Variants in ATP6V0E1 observed in about 807,000 individuals in gnomAD.
The protein encoded by ATP6V0E1 is V-type proton ATPase subunit e 1.
In ATP6V0E1, 4 loss-of-function variants were observed where a neutral mutation model predicts 11.6. That is an observed-to-expected ratio of 0.35 (90% CI 0.17 to 0.79). ATP6V0E1 has a LOEUF of 0.79. Ranked by LOEUF, ATP6V0E1 falls within the 30% of genes least tolerant of loss-of-function variation. The pLI is 0.54. For synonymous variants in ATP6V0E1, 36 were observed against 34.8 expected, an observed-to-expected ratio of 1.04 and a Z score of -0.13; for missense variants, 105 against 100.0, an observed-to-expected ratio of 1.05 and a Z score of -0.21.
intron 2 of ATP6V0E1, among the ~76,000 whole-genome samples, chr5:173,015,915 C>T (rs760339410): frequency 3.3e-5 from 5 of 151,838 alleles, no homozygotes; most frequent in Admixed American, 6.6e-5. Context: ...TTAGTAGAGA[C>T]GGGTTTCACC....
At chr5:173,004,196 G>C (rs1158714497) in intron 2 of ATP6V0E1, among the ~76,000 whole-genome samples, 1 of 152,192 alleles carries the variant, frequency 6.6e-6, no homozygotes, top group East Asian at 1.9e-4. Context: ...GCCTGGGAAA[G>C]CATGGAGGGA....
At chr5:173,009,998 G>A (rs1277645076) in intron 2 of ATP6V0E1, among the ~76,000 whole-genome samples, 1 of 151,960 alleles carries the variant, frequency 6.6e-6, no homozygotes, top group Admixed American at 6.6e-5. Flanking sequence ...TCCTGACCTC[G>A]TGATCTGCCT....
chr5:172,998,332 TGTG>T (rs1268968864), intron 2 of ATP6V0E1, among the ~76,000 whole-genome samples: 1 of 148,846 alleles, frequency 6.7e-6, no homozygotes, highest in Non-Finnish European at 1.5e-5. Context: ...TGAAGCCTGG[TGTG>T]GTGGCTCACG....
chr5:173,014,982 ATTCT>A (rs921664123), intron 2 of ATP6V0E1, among the ~76,000 whole-genome samples: 26 of 152,222 alleles, frequency 1.7e-4, no homozygotes, highest in African/African-American at 5.5e-4. Flanking sequence ...AGGGGTCTTC[ATTCT>A]TTCTTCTGGA....
intron 2 of ATP6V0E1, among the ~76,000 whole-genome samples, chr5:173,009,783 A>G (rs1217688337): frequency 1.0e-5 from 1 of 98,260 alleles, no homozygotes. Flanking sequence ...TTTTTTTTTT[A>G]GATGGAGTCT....
chr5:173,025,873 A>C (rs17075518), intron 3 of ATP6V0E1, among the ~76,000 whole-genome samples: 26,320 of 152,136 alleles, frequency 0.17, 3,741 homozygotes, highest in East Asian at 0.72. Context: ...GTCACTTAGA[A>C]TAACAGCTGG....
At chr5:172,999,285 A>C (rs556071972) in intron 2 of ATP6V0E1, among the ~76,000 whole-genome samples, 1 of 152,308 alleles carries the variant, frequency 6.6e-6, no homozygotes, top group South Asian at 2.1e-4. Context: ...AAAGAAAACA[A>C]AAACGTTTCC....
chr5:172,998,990 G>A (rs1756114215), intron 2 of ATP6V0E1, among the ~76,000 whole-genome samples: 1 of 152,100 alleles, frequency 6.6e-6, no homozygotes, highest in Non-Finnish European at 1.5e-5. Flanking sequence ...TACAAAATTA[G>A]CCCCATGTGG....
At chr5:173,002,151 G>C (rs887001684) in intron 2 of ATP6V0E1, among the ~76,000 whole-genome samples, 3 of 152,046 alleles carry the variant, frequency 2.0e-5, no homozygotes, top group African/African-American at 7.2e-5. Context: ...ACAAATCCCA[G>C]ACATATCAGT....
chr5:173,014,822 A>G (rs1756378896), intron 2 of ATP6V0E1, among the ~76,000 whole-genome samples: 2 of 152,134 alleles, frequency 1.3e-5, no homozygotes, highest in Non-Finnish European at 2.9e-5. Flanking sequence ...AGTTTCTTCT[A>G]TGTTTGATTG....
At chr5:172,997,529 G>T (rs1283915529) in intron 2 of ATP6V0E1, among the ~76,000 whole-genome samples, 1 of 152,222 alleles carries the variant, frequency 6.6e-6, no homozygotes, top group Non-Finnish European at 1.5e-5. Flanking sequence ...AAGGTCAGGG[G>T]CAAGGCGTGG....
At chr5:173,008,663 A>G (rs1756265101) in intron 2 of ATP6V0E1, among the ~76,000 whole-genome samples, 1 of 146,756 alleles carries the variant, frequency 6.8e-6, no homozygotes, top group African/African-American at 2.5e-5. Context: ...TAATCCCAGC[A>G]CTTTGGGAGG....
intron 2 of ATP6V0E1, among the ~76,000 whole-genome samples, chr5:173,016,689 C>A (rs1756405032): frequency 6.6e-6 from 1 of 152,054 alleles, no homozygotes; most frequent in Non-Finnish European, 1.5e-5. Flanking sequence ...TTGGGGAAGT[C>A]CTTGGTTAGT....
At position 173,008,541 on chromosome 5, in the gene ATP6V0E1, T is replaced by C. The variant is rs112037866; in HGVS notation, c.153-11697T>C. On this transcript the variant is annotated intron_variant, in intron 2 of 3. Coordinates refer to ENST00000519374, the MANE Select transcript of ATP6V0E1 (RefSeq NM_003945.4). ...GTCTTGATCTCTTGACCTCATGATC[T>C]GCCCACCTTGGCTTCCCAAAGTGCT... Among the ~76,000 whole-genome samples, 830 of 149,692 alleles carry C rather than the reference T, an allele frequency of 5.5e-3. 6 individuals carry two copies. The highest frequency in any genetic ancestry group is 8.1e-3 in the Non-Finnish European group (543 of 67,380).
intron 3 of ATP6V0E1, among the ~76,000 whole-genome samples, chr5:173,025,975 T>C (rs1756553603): frequency 2.0e-5 from 3 of 152,020 alleles, no homozygotes; most frequent in Non-Finnish European, 4.4e-5. Context: ...CTCGGCAATA[T>C]ATCAAGACCT....
chr5:173,030,227 A>G (rs1238587058), intron 3 of ATP6V0E1, among the ~76,000 whole-genome samples: 2 of 152,210 alleles, frequency 1.3e-5, no homozygotes, highest in Non-Finnish European at 2.9e-5. Flanking sequence ...ATTGTTAAAT[A>G]CATGCTTAAC....
In ATP6V0E1 at chr5:173,034,531, C is replaced by T. The variant is rs1042058454; in HGVS notation, c.*169C>T. On this transcript the variant is annotated 3_prime_UTR_variant, in exon 4 of 4. Transcript: ENST00000519374. ...TTGAATGCCTTATTCTACAATGCAG[C>T]GTGTTTTCCTTTGCCTTTTTTGCAC... is the stretch of plus-strand genomic sequence containing the variant. 13 of 683,330 alleles carry T rather than the reference C, an allele frequency of 1.9e-5. No homozygotes were observed. The highest frequency in any genetic ancestry group is 1.8e-4 in the Admixed American group (9 of 48,872). The allele number at this position is 683,330 out of a possible 1,614,324, so 42.3% of individuals were successfully genotyped here.
At chr5:173,002,500 G>A (rs1043253321) in intron 2 of ATP6V0E1, among the ~76,000 whole-genome samples, 6 of 152,130 alleles carry the variant, frequency 3.9e-5, no homozygotes, top group South Asian at 2.1e-4. Context: ...ACGTTCTTCT[G>A]TATTTTCTAT....
intron 1 of ATP6V0E1, among the ~76,000 whole-genome samples, 183 bp downstream of exon 1, chr5:172,984,147 C>T (rs1755846832): frequency 6.6e-6 from 1 of 152,132 alleles, no homozygotes; most frequent in South Asian, 2.1e-4. Flanking sequence ...TCAGTGTCCT[C>T]CGGCCTGAGC....
Sources: gnomAD v4.1 joint callset for allele counts (sites outside exome capture counted in the v4.1 genomes callset) on GRCh38, gnomAD v4.1.1 for gene constraint, MANE v1.5 for transcripts, NCBI Gene and HGNC (gene_info 2026-07-23, HGNC 2026-07-21) for gene names.